The following FRMD4B variants were observed in gnomAD, a reference collection of about 807,000 sequenced individuals.
FRMD4B encodes FERM domain-containing protein 4B.
In FRMD4B, 74 loss-of-function variants were observed where a neutral mutation model predicts 141.5. The observed-to-expected ratio is 0.52, with a 90% CI of 0.43 to 0.63. The LOEUF (loss-of-function observed/expected upper bound fraction) is 0.63. FRMD4B is among the 30% of genes least tolerant of loss of function. The pLI is 0.00. For synonymous variants in FRMD4B, 506 were observed against 467.9 expected (o/e 1.08, Z -1.05); for missense variants, 1,366 against 1,253.4 (o/e 1.09, Z -1.36).
At chr3:69,362,837 A>G (rs1244514383) in intron 1 of FRMD4B, among the ~76,000 whole-genome samples, 2 of 152,170 alleles carry the variant, frequency 1.3e-5, no homozygotes, top group African/African-American at 4.8e-5. Flanking sequence ...CTGAACTTAA[A>G]CATTTTCCTT....
chr3:69,203,320 C>CAAAAAAAAAAAAAAAAAAAAAAAAAAA (rs796607832), intron 11 of FRMD4B, among the ~76,000 whole-genome samples: 5 of 107,898 alleles, frequency 4.6e-5, no homozygotes, highest in Admixed American at 1.1e-4. Context: ...CAAACTTCAG[C>CAAAAAAAAAAAAAAAAAAAAAAAAAAA]AAAAAAAAAA....
intron 11 of FRMD4B, among the ~76,000 whole-genome samples, chr3:69,212,839 T>A (rs2093100127): frequency 6.6e-6 from 1 of 152,222 alleles, no homozygotes; most frequent in African/African-American, 2.4e-5. Flanking sequence ...TGAGTGTTAT[T>A]TCTTAAGTAA....
intron 17 of FRMD4B, among the ~76,000 whole-genome samples, chr3:69,192,630 A>G (rs1177151041): frequency 6.6e-6 from 1 of 152,226 alleles, no homozygotes; most frequent in East Asian, 1.9e-4. Flanking sequence ...ACTACAGAAT[A>G]TTAAGAAGAA....
intron 7 of FRMD4B, among the ~76,000 whole-genome samples, chr3:69,242,906 A>G (rs1350524727): frequency 6.7e-6 from 1 of 150,182 alleles, no homozygotes; most frequent in Non-Finnish European, 1.5e-5. Context: ...AGGCAGGAGA[A>G]TCGCTTGAAC....
At chr3:69,213,717 C>T (rs1311288075) in intron 11 of FRMD4B, among the ~76,000 whole-genome samples, 6 of 149,422 alleles carry the variant, frequency 4.0e-5, no homozygotes, top group Non-Finnish European at 8.9e-5. Context: ...GGCCGGAGTG[C>T]AGTGGCATGA....
At chr3:69,344,632 G>A (rs974628389) in intron 1 of FRMD4B, among the ~76,000 whole-genome samples, 1 of 152,056 alleles carries the variant, frequency 6.6e-6, no homozygotes, top group African/African-American at 2.4e-5. Context: ...TCTCTCTCTT[G>A]TCTACTGGGC....
At position 69,302,915 on chromosome 3, in the gene FRMD4B, TA is replaced by T. The variant is rs200767544; in HGVS notation, c.324-481del. Among the ~76,000 whole-genome samples, 1,417 of 150,216 alleles carry T rather than the reference TA, an allele frequency of 9.4e-3. 24 individuals are homozygous for T. Among genetic ancestry groups the T allele is most frequent in the African/African-American group, 0.031 (1,266 of 40,968 alleles). On this transcript the variant is annotated intron_variant, in intron 3 of 22. Coordinates refer to ENST00000398540, the MANE Select transcript of FRMD4B (RefSeq NM_015123.3). ...TGGTAAAACCCTGTCTCTACTAAAA[TA>T]AAAAAAAATTAGCCAGGCATGGTGG...
chr3:69,258,245 C>A (rs148750803), intron 5 of FRMD4B, among the ~76,000 whole-genome samples: 253 of 152,202 alleles, frequency 1.7e-3, no homozygotes, highest in African/African-American at 5.9e-3. Context: ...GGGTTACAGG[C>A]GTGAGCCACT....
intron 2 of FRMD4B, among the ~76,000 whole-genome samples, chr3:69,422,846 T>C (rs1442849646): frequency 1.3e-5 from 2 of 151,750 alleles, no homozygotes; most frequent in African/African-American, 2.4e-5. Flanking sequence ...AAACAGGCAG[T>C]GTGCTGAATT....
chr3:69,203,664 C>G (rs2092994930), intron 11 of FRMD4B, among the ~76,000 whole-genome samples: 1 of 152,130 alleles, frequency 6.6e-6, no homozygotes, highest in Non-Finnish European at 1.5e-5. Context: ...GTGTCTGCAT[C>G]TGTAAAATGG....
intron 5 of FRMD4B, among the ~76,000 whole-genome samples, chr3:69,260,669 C>T (rs2093521071): frequency 6.6e-6 from 1 of 152,240 alleles, no homozygotes. Context: ...GGAAACTCTG[C>T]CCGCAGCCCC....
At chr3:69,270,960 G>A (rs1475923685) in intron 5 of FRMD4B, among the ~76,000 whole-genome samples, 1 of 152,092 alleles carries the variant, frequency 6.6e-6, no homozygotes, top group Non-Finnish European at 1.5e-5. Context: ...TCATTCACTG[G>A]TGCTCAAATT....
Position 69,171,993 on chromosome 3 carries a change from A to T in FRMD4B, c.2985-12T>A. 2 of 1,612,736 alleles carry T rather than the reference A, an allele frequency of 1.2e-6. No homozygotes were observed. On this transcript the variant is annotated splice_polypyrimidine_tract_variant and intron_variant, in intron 22 of 22. Transcript: ENST00000398540. ...TTTCTGTGTATTGTCTATTAAAGAAAACCAGAAAAGTTACTACTTGTGGCC... is the reference window on the plus strand; with the variant it reads ...TTTCTGTGTATTGTCTATTAAAGAATACCAGAAAAGTTACTACTTGTGGCC...
chr3:69,351,512 C>T (rs914369096), intron 1 of FRMD4B, among the ~76,000 whole-genome samples: 2 of 152,172 alleles, frequency 1.3e-5, no homozygotes, highest in African/African-American at 2.4e-5. Context: ...GTCTTTTGCA[C>T]ACCTGTGCAC....
intron 2 of FRMD4B, among the ~76,000 whole-genome samples, chr3:69,430,578 G>C (rs1382826537): frequency 6.6e-6 from 1 of 152,166 alleles, no homozygotes; most frequent in Non-Finnish European, 1.5e-5. Flanking sequence ...GCTGGACCAG[G>C]ATCCCAGAAT....
At chr3:69,526,526 A>T (rs1246171480) in intron 1 of FRMD4B, among the ~76,000 whole-genome samples, 2 of 152,156 alleles carry the variant, frequency 1.3e-5, no homozygotes, top group Non-Finnish European at 2.9e-5. Context: ...CACCATAAAA[A>T]TCGCATTGGC....
intron 1 of FRMD4B, among the ~76,000 whole-genome samples, chr3:69,474,293 T>C (rs868354774): frequency 2.0e-5 from 3 of 152,172 alleles, no homozygotes; most frequent in African/African-American, 7.2e-5. Flanking sequence ...GAGTGAACAA[T>C]ACAATTCTGG....
intron 2 of FRMD4B, among the ~76,000 whole-genome samples, 199 bp downstream of exon 2, chr3:69,313,253 T>C (rs960508134): frequency 6.6e-6 from 1 of 152,206 alleles, no homozygotes; most frequent in African/African-American, 2.4e-5. Flanking sequence ...CTCTAACATA[T>C]GGACCAAGTT....
intron 1 of FRMD4B, among the ~76,000 whole-genome samples, chr3:69,496,637 A>AAGAGAGAGAGAGAGAG (rs1169584495): frequency 6.5e-4 from 37 of 56,514 alleles, no homozygotes; most frequent in African/African-American, 1.4e-3. Flanking sequence ...GAGAGAGAGA[A>AAGAGAGAGAGAGAGAG]AGAGAGAGAG....
Sources: allele counts gnomAD v4.1 joint callset (sites outside exome capture counted in the v4.1 genomes callset), GRCh38; gene constraint gnomAD v4.1.1; transcripts MANE v1.5; gene names NCBI Gene and HGNC (gene_info 2026-07-23, HGNC 2026-07-21).